ITGB4: variants seen among roughly 807,000 people sequenced by gnomAD.
The protein encoded by ITGB4 is integrin beta-4.
A neutral mutation model predicts 207.6 loss-of-function variants in ITGB4; 159 were observed. That is an observed-to-expected ratio of 0.77 (90% CI 0.67 to 0.87). The LOEUF (loss-of-function observed/expected upper bound fraction) is 0.87, where lower values mean the gene tolerates loss of function less well. Ranked by LOEUF, ITGB4 falls within the 40% of genes least tolerant of loss-of-function variation. The pLI is 0.00. For synonymous variants in ITGB4, 1,020 were observed against 1,062.7 expected, an observed-to-expected ratio of 0.96 and a Z score of 0.78; for missense variants, 2,278 against 2,546.8, an observed-to-expected ratio of 0.89 and a Z score of 2.27.
In ITGB4 at chr17:75,741,007, T is replaced by G. The variant is rs2061097129; in HGVS notation, c.2633+2T>G. ...GCAGCAGCCCAATGCCGGGAAAAAG[T>G]GAGTAGAAGACTCGTGGGTGAGAGG... On this transcript the variant is annotated splice_donor_variant, in intron 23 of 39. Coordinates refer to ENST00000200181, the MANE Select transcript of ITGB4 (RefSeq NM_000213.5). LOFTEE classifies it high-confidence loss of function. 4 of 1,613,234 alleles carry G rather than the reference T, an allele frequency of 2.5e-6. No individual in the cohort carries two copies. The highest frequency in any genetic ancestry group is 3.4e-6 in the Non-Finnish European group (4 of 1,179,946).
At chr17:75,748,296 A>G (rs913171766) in intron 26 of ITGB4, among the ~76,000 whole-genome samples, 1 of 151,702 alleles carries the variant, frequency 6.6e-6, no homozygotes, top group African/African-American at 2.4e-5. Context: ...CAGGAGGTCA[A>G]GGCTTCAGTG....
At position 75,757,630 on chromosome 17, in the gene ITGB4, T is replaced by C. The variant is rs2061552234; in HGVS notation, c.*75T>C. ...CCTCTCCCGGAGCCTCCTCAGCTACTCCATCCTTGCACCCCTGGGGGCCCA... is the reference window on the plus strand; with the variant it reads ...CCTCTCCCGGAGCCTCCTCAGCTACCCCATCCTTGCACCCCTGGGGGCCCA... On this transcript the variant is annotated 3_prime_UTR_variant, in exon 40 of 40. Coordinates refer to ENST00000200181, the MANE Select transcript of ITGB4 (RefSeq NM_000213.5). The C allele has an allele frequency of 6.3e-7, 1 of 1,591,746 alleles. No individual in the cohort carries two copies. The highest frequency in any genetic ancestry group is 1.3e-5 in the African/African-American group (1 of 74,340).
chr17:75,735,846 G>C (rs2060962991), intron 13 of ITGB4, among the ~76,000 whole-genome samples: 1 of 152,190 alleles, frequency 6.6e-6, no homozygotes, highest in Middle Eastern at 3.2e-3. Flanking sequence ...AATTACTCAG[G>C]CTGCAGAGTG....
intron 27 of ITGB4, 140 bp downstream of exon 27, chr17:75,749,185 G>A: frequency 2.7e-6 from 2 of 747,670 alleles, no homozygotes; most frequent in East Asian, 5.4e-5. Flanking sequence ...CATACACGTT[G>A]GTAGGATAAG....
chr17:75,737,720 G>A, intron 18 of ITGB4, 76 bp downstream of exon 18: 1 of 1,247,840 alleles, frequency 8.0e-7, no homozygotes, highest in East Asian at 2.4e-5. Flanking sequence ...CCTCCACCAG[G>A]GTCCCCAGTC....
In ITGB4 at chr17:75,739,786, A is replaced by G; in HGVS notation, c.2254+81A>G. 6 of 1,610,620 alleles carry G rather than the reference A, an allele frequency of 3.7e-6. No individual in the cohort carries two copies. In the South Asian group the frequency reaches 6.6e-5, roughly 18 times the overall value. ...TGGGGTGGAGGGAAGCTGAACCTGG[A>G]ACGGCAGAGGCTGGAGGCTCTGGGG... On this transcript the variant is annotated intron_variant, in intron 19 of 39. Transcript: ENST00000200181. This position sits in a 1 kb window ranked among gnomAD's most constrained non-coding sequence, Gnocchi z 5.4.
Position 75,741,000 on chromosome 17 carries a change from G to C in ITGB4, c.2628G>C (p.Gly876=), listed in dbSNP as rs1385913824. ...QTKFRQQPNA[G]KKQDHTIVDT... ...CCCACAGGCAGCAGCCCAATGCCGG[G>C]AAAAAGTGAGTAGAAGACTCGTGGG... is the stretch of plus-strand genomic sequence containing the variant. Residue 876 remains glycine (G), a synonymous_variant, in exon 23 of 40, where the codon GGG becomes GGC. Coordinates refer to ENST00000200181, the MANE Select transcript of ITGB4 (RefSeq NM_000213.5). The surrounding 1 kb of genome is among the most constrained non-coding windows in gnomAD (Gnocchi z 5.9). 6.2e-7 allele frequency: 1 copy of C among 1,613,440 alleles called. No homozygotes were observed. The highest frequency in any genetic ancestry group is 8.5e-7 in the Non-Finnish European group (1 of 1,180,008).
intron 26 of ITGB4, among the ~76,000 whole-genome samples, chr17:75,744,245 C>G (rs1245050906): frequency 1.3e-5 from 2 of 151,966 alleles, no homozygotes; most frequent in Non-Finnish European, 2.9e-5. Flanking sequence ...CTCAGCCTCC[C>G]TAGTAGCTGG....
chr17:75,754,005 G>T, intron 33 of ITGB4, 31 bp downstream of exon 33: 1 of 1,002,544 alleles, frequency 1.0e-6, no homozygotes, highest in Non-Finnish European at 1.3e-6. Flanking sequence ...CCCCCGATCC[G>T]CGCCCACCCA....
In ITGB4 at chr17:75,730,970, G is replaced by A; in HGVS notation, c.1092+6G>A. 2.5e-6 allele frequency: 4 copies of A among 1,611,590 alleles called. No individual in the cohort carries two copies. Among genetic ancestry groups the A allele is most frequent in the Non-Finnish European group, 3.4e-6 (4 of 1,178,132 alleles). On this transcript the variant is annotated splice_donor_region_variant and intron_variant, in intron 9 of 39. Coordinates refer to ENST00000200181, the MANE Select transcript of ITGB4 (RefSeq NM_000213.5). ...TGCTGGAGGAGGCCTTCAATGTGAGGGCAGCTCAGGCTCCAGAGTCTGAGC... is the reference window on the plus strand; with the variant it reads ...TGCTGGAGGAGGCCTTCAATGTGAGAGCAGCTCAGGCTCCAGAGTCTGAGC...
intron 8 of ITGB4, 111 bp downstream of exon 8, chr17:75,730,615 T>TCCCTCCCTCTTTTCCTCCCTTTCC: frequency 9.9e-7 from 1 of 1,009,422 alleles, no homozygotes; most frequent in Non-Finnish European, 1.4e-6. Context: ...CCTCCCTTCC[T>TCCCTCCCTCTTTTCCTCCCTTTCC]CCCTCCCTCT....
At chr17:75,737,773 TGGGTCCCCACCTCCCCA>T (rs2061014736) in intron 18 of ITGB4, 129 bp downstream of exon 18, 4 of 776,506 alleles carry the variant, frequency 5.2e-6, no homozygotes, top group African/African-American at 1.9e-5. Context: ...AACCCCTTCC[TGGGTCCCCACCTCCCCA>T]GGGTCCCCAT....
At chr17:75,746,799 GGTGTT>G (rs1305587024) in intron 26 of ITGB4, among the ~76,000 whole-genome samples, 2 of 151,722 alleles carry the variant, frequency 1.3e-5, no homozygotes, top group Non-Finnish European at 2.9e-5. Flanking sequence ...AAATTATCTG[GGTGTT>G]GTGGTGTGCA....
At chr17:75,738,301 C>T (rs1227929421) in intron 18 of ITGB4, among the ~76,000 whole-genome samples, 1 of 151,830 alleles carries the variant, frequency 6.6e-6, no homozygotes, top group African/African-American at 2.4e-5. Context: ...GGAGCCCCAG[C>T]CCCCAGCTCA....
In ITGB4 at chr17:75,727,121, T is replaced by G. The variant is rs1599215392; in HGVS notation, c.80-74T>G. 3 of 1,124,398 alleles carry G rather than the reference T, an allele frequency of 2.7e-6. No individual in the cohort carries two copies. Among genetic ancestry groups the G allele is most frequent in the East Asian group, 4.9e-5 (2 of 40,510 alleles). 69.7% of individuals were successfully genotyped at this position (1,124,398 alleles called of 1,614,324 possible). On this transcript the variant is annotated intron_variant, in intron 2 of 39. Coordinates refer to ENST00000200181, the MANE Select transcript of ITGB4 (RefSeq NM_000213.5). This position sits in a 1 kb window ranked among gnomAD's most constrained non-coding sequence, Gnocchi z 6.0. ...AGGAGGGAATCCCCATCTCTCCAGGTGAAGGTGCAGGTGGGAAAGTGCTTG... is the reference window on the plus strand; with the variant it reads ...AGGAGGGAATCCCCATCTCTCCAGGGGAAGGTGCAGGTGGGAAAGTGCTTG...
rs776707368 is a variant in ITGB4, at chr17:75,756,785, G to A, written c.4979G>A (p.Ser1660Asn). 6.2e-7 allele frequency: 1 copy of A among 1,612,754 alleles called. No individual in the cohort carries two copies. The highest frequency in any genetic ancestry group is 1.7e-5 in the Admixed American group (1 of 60,030). ...TALSPDSLQL[S>N]WERPRRPNGD... The stretch of plus-strand genomic sequence containing the variant: ...CTGAGCCCAGACTCGCTGCAGCTGA[G>A]CTGGGAGCGGCCACGGAGGCCCAAT... Residue 1660 changes from serine (S) to asparagine (N), a missense_variant, in exon 37 of 40, where the codon AGC becomes AAC. Ser to Asn is a conservative substitution (Grantham distance 46, BLOSUM62 1). Transcript: ENST00000200181.
At chr17:75,735,864 G>A (rs2060963314) in intron 13 of ITGB4, among the ~76,000 whole-genome samples, 187 bp from the exon 14 acceptor site, 1 of 152,218 alleles carries the variant, frequency 6.6e-6, no homozygotes, top group South Asian at 2.1e-4. Flanking sequence ...GTGGAAGGTA[G>A]GTAGGATGGA....
At chr17:75,733,903 G>C (rs1599241668) in intron 13 of ITGB4, among the ~76,000 whole-genome samples, 1 of 152,232 alleles carries the variant, frequency 6.6e-6, no homozygotes, top group East Asian at 1.9e-4. Context: ...CCATGCCCAA[G>C]GTCACTGTTG....
At chr17:75,755,261 T>C (rs1421005355) in intron 34 of ITGB4, 4 of 1,571,958 alleles carry the variant, frequency 2.5e-6, no homozygotes, top group Non-Finnish European at 2.6e-6. Flanking sequence ...CTGCTCCATC[T>C]GTCATCCAGC....
Sources: gnomAD v4.1 joint callset for allele counts (sites outside exome capture counted in the v4.1 genomes callset) on GRCh38, gnomAD v4.1.1 for gene constraint, Gnocchi (gnomAD v3.1) non-coding constraint, MANE v1.5 for transcripts, NCBI Gene and HGNC (gene_info 2026-07-23, HGNC 2026-07-21) for gene names.